The following NYAP2 variants were observed in gnomAD, a reference collection of about 807,000 sequenced individuals.
NYAP2 encodes neuronal tyrosine-phosphorylated phosphoinositide-3-kinase adapter 2.
In NYAP2, 23 loss-of-function variants were observed where a neutral mutation model predicts 50.4. The ratio of observed to expected loss-of-function variants is 0.46; its 90% CI spans 0.33 to 0.65. NYAP2 has a LOEUF of 0.65. NYAP2 is among the 30% of genes least tolerant of loss of function. The pLI is 0.02. For missense variants in NYAP2, 885 were observed against 861.0 expected (o/e 1.03, Z -0.35); for synonymous variants, 394 against 365.2 (o/e 1.08, Z -0.90).
chr2:225,409,587 A>C (rs1454135680), intron 3 of NYAP2, among the ~76,000 whole-genome samples: 1 of 152,032 alleles, frequency 6.6e-6, no homozygotes, highest in South Asian at 2.1e-4. Flanking sequence ...TGCTCTCCCT[A>C]TGCAGACTTT....
chr2:225,651,729 C>T, exon 7 of NYAP2: 1 of 742,638 alleles, frequency 1.3e-6, no homozygotes, highest in Non-Finnish European at 2.2e-6. Flanking sequence ...TATCTTTCTT[C>T]CTTGTGATTG....
chr2:225,577,150 C>A (rs1692182380), intron 4 of NYAP2, among the ~76,000 whole-genome samples: 1 of 152,130 alleles, frequency 6.6e-6, no homozygotes, highest in Admixed American at 6.5e-5. Flanking sequence ...AACCTTTGTG[C>A]TCACATAGCT....
At chr2:225,666,513 G>A in the NYAP2 span, among the ~76,000 whole-genome samples, 5 of 152,140 alleles carry the variant, frequency 3.3e-5, no homozygotes, top group Admixed American at 1.3e-4. Context: ...GTTCAGAAAC[G>A]CGAGACAACT....
chr2:225,486,049 A>G (rs1399161328), intron 3 of NYAP2, among the ~76,000 whole-genome samples: 1 of 152,172 alleles, frequency 6.6e-6, no homozygotes, highest in African/African-American at 2.4e-5. Flanking sequence ...CATTTGGTTG[A>G]GAACTAGCAC....
intron 5 of NYAP2, among the ~76,000 whole-genome samples, chr2:225,591,487 T>C (rs900671328): frequency 1.3e-5 from 2 of 152,144 alleles, no homozygotes; most frequent in African/African-American, 4.8e-5. Flanking sequence ...AAGGCAGCAG[T>C]GCCCAGCCCC....
At chr2:225,493,345 G>T (rs755746579) in intron 3 of NYAP2, among the ~76,000 whole-genome samples, 12 of 152,218 alleles carry the variant, frequency 7.9e-5, no homozygotes, top group African/African-American at 2.9e-4. Flanking sequence ...CAAAGCCTAC[G>T]TTAGTGAATA....
intron 5 of NYAP2, among the ~76,000 whole-genome samples, chr2:225,607,250 C>A (rs1692803739): frequency 6.6e-6 from 1 of 152,068 alleles, no homozygotes; most frequent in South Asian, 2.1e-4. Context: ...TACACAGAGG[C>A]AGAGAAAGTA....
At chr2:225,569,627 A>T (rs1574683616) in intron 4 of NYAP2, among the ~76,000 whole-genome samples, 1 of 152,192 alleles carries the variant, frequency 6.6e-6, no homozygotes, top group Non-Finnish European at 1.5e-5. Context: ...AAGTGGCAGG[A>T]ATTCTGCTAA....
intron 3 of NYAP2, among the ~76,000 whole-genome samples, chr2:225,435,673 A>C (rs1282396039): frequency 6.6e-6 from 1 of 152,160 alleles, no homozygotes; most frequent in Non-Finnish European, 1.5e-5. Context: ...TAAAATATCC[A>C]CTTCAGTAAC....
intron 3 of NYAP2, among the ~76,000 whole-genome samples, chr2:225,485,930 C>A (rs1324112933): frequency 6.6e-6 from 1 of 152,162 alleles, no homozygotes; most frequent in East Asian, 1.9e-4. Context: ...TCATTAGATG[C>A]TAGTAGCCAC....
chr2:225,614,352 T>C (rs1296448591), intron 5 of NYAP2, among the ~76,000 whole-genome samples: 1 of 152,220 alleles, frequency 6.6e-6, no homozygotes, highest in Admixed American at 6.5e-5. Context: ...TGCTACTATT[T>C]TGAATGAAAA....
intron 4 of NYAP2, among the ~76,000 whole-genome samples, chr2:225,548,053 A>G (rs1249433050): frequency 2.0e-5 from 3 of 152,156 alleles, no homozygotes; most frequent in Non-Finnish European, 2.9e-5. Flanking sequence ...TTAGAGATAC[A>G]TTAGCTAATA....
At chr2:225,499,619 C>T (rs2106176707) in intron 3 of NYAP2, among the ~76,000 whole-genome samples, 1 of 152,194 alleles carries the variant, frequency 6.6e-6, no homozygotes, top group South Asian at 2.1e-4. Flanking sequence ...TTAAGAAAAC[C>T]ATTTCAGTAG....
chr2:225,636,165 G>A (rs540272745), intron 6 of NYAP2, among the ~76,000 whole-genome samples: 1 of 152,248 alleles, frequency 6.6e-6, no homozygotes, highest in East Asian at 1.9e-4. Flanking sequence ...AGCACAGCTG[G>A]CTAAAGGGAA....
At chr2:225,402,872 C>T (rs1694886148) in intron 2 of NYAP2, among the ~76,000 whole-genome samples, 1 of 151,578 alleles carries the variant, frequency 6.6e-6, no homozygotes, top group African/African-American at 2.4e-5. Flanking sequence ...AAGATTTTAT[C>T]AGAAAAAAAT....
chr2:225,537,468 TTGG>T (rs1691371872), intron 4 of NYAP2, among the ~76,000 whole-genome samples: 1 of 152,206 alleles, frequency 6.6e-6, no homozygotes, highest in African/African-American at 2.4e-5. Flanking sequence ...CATGTCTCAC[TTGG>T]TGGCAGATAA....
chr2:225,653,088 A>G (rs977103292), exon 7 of NYAP2: 1 of 152,252 alleles, frequency 6.6e-6, no homozygotes, highest in Admixed American at 6.5e-5. Flanking sequence ...TAAAATAAAT[A>G]AGATAAACTG....
rs1354211546 is a variant in NYAP2, at chr2:225,488,919, A to G, written c.222-24452A>G. Among the ~76,000 whole-genome samples the G allele has an allele frequency of 2.0e-5, 3 of 152,228 alleles. No homozygotes were observed. In the East Asian group the frequency reaches 5.8e-4, roughly 29 times the overall value. Reference sequence around the variant, plus strand: ...CTTCCTTTAAAGAGCAGCTTTGCTCAAAACCACATAGTAAATAGGGAAGTG... The same window carrying G: ...CTTCCTTTAAAGAGCAGCTTTGCTCGAAACCACATAGTAAATAGGGAAGTG... On this transcript the variant is annotated intron_variant, in intron 3 of 6. Transcript: ENST00000636099.
intron 3 of NYAP2, among the ~76,000 whole-genome samples, chr2:225,494,381 C>A (rs1426728489): frequency 1.3e-5 from 2 of 152,184 alleles, no homozygotes; most frequent in African/African-American, 4.8e-5. Context: ...CTTAATAAGG[C>A]AAGAATGAAT....
Sources: gnomAD v4.1 joint callset for allele counts (sites outside exome capture counted in the v4.1 genomes callset) on GRCh38, gnomAD v4.1.1 for gene constraint, MANE v1.5 for transcripts, NCBI Gene and HGNC (gene_info 2026-07-23, HGNC 2026-07-21) for gene names.